ATP2C1: variants seen among roughly 807,000 people sequenced by gnomAD.
ATP2C1 encodes the protein ATPase secretory pathway Ca2+ transporting 1.
In ATP2C1, 31 loss-of-function variants were observed where a neutral mutation model predicts 120.5. The observed-to-expected ratio is 0.26, with a 90% CI of 0.19 to 0.35. ATP2C1 has a LOEUF of 0.35. Among genes scored for constraint, ATP2C1 ranks in the 10% least tolerant of loss-of-function variants. The probability of loss-of-function intolerance (pLI) is 1.00; values close to 1 mark genes in which losing one functional copy is unlikely to be tolerated. For missense variants in ATP2C1, 731 were observed against 1,107.5 expected, an observed-to-expected ratio of 0.66 and a Z score of 4.83; for synonymous variants, 351 against 358.7, an observed-to-expected ratio of 0.98 and a Z score of 0.24.
intron 7 of ATP2C1, among the ~76,000 whole-genome samples, chr3:130,941,203 C>T (rs1202998445): frequency 6.7e-6 from 1 of 149,332 alleles, no homozygotes; most frequent in Non-Finnish European, 1.5e-5. Flanking sequence ...CGTGAGCCAC[C>T]GCGCCCGGCT....
In ATP2C1 at chr3:130,980,427, A is replaced by G. The variant is rs2061705008; in HGVS notation, c.1742-155A>G. Reference sequence around the variant, plus strand: ...TAAACAAAAATGAAAGTCAAACATAAAACTCCAGACTTAATACTGATTCAG... The same window carrying G: ...TAAACAAAAATGAAAGTCAAACATAGAACTCCAGACTTAATACTGATTCAG... On this transcript the variant is annotated intron_variant, in intron 19 of 27. Coordinates refer to ENST00000510168, the MANE Select transcript of ATP2C1 (RefSeq NM_001378687.1). 4 of 608,476 alleles carry G rather than the reference A, an allele frequency of 6.6e-6. No homozygotes were observed. In the East Asian group the frequency reaches 1.2e-4, roughly 18 times the overall value. The allele number at this position is 608,476 out of a possible 1,614,324, so 37.7% of individuals were successfully genotyped here.
chr3:130,976,411 C>A (rs2108749628), intron 18 of ATP2C1, among the ~76,000 whole-genome samples: 1 of 152,252 alleles, frequency 6.6e-6, no homozygotes, highest in African/African-American at 2.4e-5. Flanking sequence ...GAACCAAGAT[C>A]ACTCCTCATA....
chr3:130,872,035 A>C (rs1273872926), intron 1 of ATP2C1, among the ~76,000 whole-genome samples: 1 of 152,096 alleles, frequency 6.6e-6, no homozygotes, highest in Non-Finnish European at 1.5e-5. Flanking sequence ...AAAAAAAAAA[A>C]AAAAAAATCT....
chr3:130,998,494 G>A, intron 26 of ATP2C1, 105 bp downstream of exon 26: 2 of 874,168 alleles, frequency 2.3e-6, no homozygotes, highest in East Asian at 5.1e-5. Flanking sequence ...GCTTAATTTT[G>A]TAGCCACAGA....
chr3:130,872,648 G>A (rs929985659), intron 1 of ATP2C1, among the ~76,000 whole-genome samples: 2 of 151,412 alleles, frequency 1.3e-5, no homozygotes, highest in African/African-American at 4.9e-5. Context: ...GCAGTGGCAC[G>A]AAATCGGCTC....
chr3:130,980,737 C>A, intron 20 of ATP2C1, 58 bp downstream of exon 20: 1 of 1,206,056 alleles, frequency 8.3e-7, no homozygotes, highest in Non-Finnish European at 1.2e-6. Flanking sequence ...GTTACCATTT[C>A]TACTACTATC....
chr3:130,917,989 G>C (rs2058760656), intron 2 of ATP2C1, among the ~76,000 whole-genome samples: 1 of 151,526 alleles, frequency 6.6e-6, no homozygotes, highest in South Asian at 2.1e-4. Context: ...TTTTTTTCAA[G>C]CTGAAGTTTT....
At chr3:130,899,926 C>A (rs939399551) in intron 2 of ATP2C1, among the ~76,000 whole-genome samples, 3 of 152,006 alleles carry the variant, frequency 2.0e-5, no homozygotes, top group African/African-American at 7.3e-5. Flanking sequence ...GTTGTAATTG[C>A]TTTCTTAAGT....
chr3:130,915,456 A>G (rs912536069), intron 2 of ATP2C1, among the ~76,000 whole-genome samples: 1 of 152,150 alleles, frequency 6.6e-6, no homozygotes, highest in African/African-American at 2.4e-5. Context: ...TAGTTGAAAA[A>G]TTAGGGAAAA....
chr3:130,930,189 G>T (rs911510077), intron 2 of ATP2C1: 3 of 516,256 alleles, frequency 5.8e-6, no homozygotes, highest in Admixed American at 3.0e-5. Context: ...AAAATTTTGT[G>T]TTCTAGCTGG....
At chr3:130,964,850 G>T in intron 13 of ATP2C1, 98 bp from the exon 14 acceptor site, 1 of 793,416 alleles carries the variant, frequency 1.3e-6, no homozygotes, top group East Asian at 2.6e-5. Flanking sequence ...ATAAAATTCA[G>T]AGAAGTAGGA....
intron 26 of ATP2C1, among the ~76,000 whole-genome samples, chr3:131,015,722 TA>T (rs35694987): frequency 0.19 from 27,992 of 151,096 alleles, 2,692 homozygotes; most frequent in South Asian, 0.22. Context: ...GAAATGCAAT[TA>T]AAAAAAAATA....
At chr3:130,975,151 A>C (rs376208306) in intron 17 of ATP2C1, among the ~76,000 whole-genome samples, 181 bp from the exon 18 acceptor site, 2 of 152,176 alleles carry the variant, frequency 1.3e-5, no homozygotes, top group East Asian at 3.9e-4. Flanking sequence ...TTTTCTATAG[A>C]AGATACAGAA....
chr3:130,953,793 G>T, intron 8 of ATP2C1, 28 bp from the exon 9 acceptor site: 1 of 1,613,526 alleles, frequency 6.2e-7, no homozygotes, highest in Non-Finnish European at 8.5e-7. Context: ...CACAAAATTT[G>T]AATCTGGGAT....
chr3:130,968,031 G>C (rs2061132555), intron 16 of ATP2C1, among the ~76,000 whole-genome samples: 1 of 152,118 alleles, frequency 6.6e-6, no homozygotes, highest in Admixed American at 6.6e-5. Context: ...CTACCTTTAA[G>C]AGTATTCAGA....
At chr3:130,973,573 G>A (rs911520569) in intron 17 of ATP2C1, among the ~76,000 whole-genome samples, 7 of 152,082 alleles carry the variant, frequency 4.6e-5, no homozygotes, top group African/African-American at 1.7e-4. Flanking sequence ...TGGATATGCT[G>A]GACAAAGGGA....
In ATP2C1 at chr3:130,925,530, TGTG is replaced by T. The variant is rs1382619649; in HGVS notation, c.7-4885_7-4883del. ...GGTCCTTGGTTGTGTTTTTGTTTAG[TGTG>T]CTGGTTTTGTGTTGGTTGTCCTCCA... On this transcript the variant is annotated intron_variant, in intron 2 of 27. Transcript: ENST00000510168. 2.6e-5 allele frequency among the ~76,000 whole-genome samples: 4 copies of T among 152,264 alleles called. No individual in the cohort carries two copies. The East Asian group carries it at 7.7e-4, about 29-fold the overall frequency.
intron 16 of ATP2C1, among the ~76,000 whole-genome samples, chr3:130,967,981 A>G (rs955257001): frequency 2.6e-5 from 4 of 152,194 alleles, no homozygotes; most frequent in Non-Finnish European, 5.9e-5. Context: ...TGAGAAACCT[A>G]GTAAGTCCAG....
chr3:130,893,783 TA>T (rs1262034031), upstream of ATP2C1, among the ~76,000 whole-genome samples: 1 of 152,086 alleles, frequency 6.6e-6, no homozygotes, highest in African/African-American at 2.4e-5. Context: ...GGGGTGCATA[TA>T]AACGGGCGGA....
Sources: gnomAD v4.1 joint callset for allele counts (sites outside exome capture counted in the v4.1 genomes callset) on GRCh38, gnomAD v4.1.1 for gene constraint, MANE v1.5 for transcripts, NCBI Gene and HGNC (gene_info 2026-07-23, HGNC 2026-07-21) for gene names.